The following ST6GALNAC5 variants were observed in gnomAD, a reference collection of about 807,000 sequenced individuals.
ST6GALNAC5 encodes the protein alpha-N-acetylgalactosaminide alpha-2,6-sialyltransferase 5.
ST6GALNAC5 carries 27 observed loss-of-function variants against 33.6 expected under a neutral mutation model. That is an observed-to-expected ratio of 0.80 (90% CI 0.59 to 1.11). The LOEUF is 1.11. Among genes scored for constraint, ST6GALNAC5 ranks in the 50% least tolerant of loss-of-function variants. ST6GALNAC5 has a pLI of 0.00. For synonymous variants in ST6GALNAC5, 194 were observed against 171.2 expected, an observed-to-expected ratio of 1.13 and a Z score of -1.04; for missense variants, 428 against 454.0, an observed-to-expected ratio of 0.94 and a Z score of 0.52.
intron 3 of ST6GALNAC5, among the ~76,000 whole-genome samples, chr1:77,049,543 GA>G (rs141287767): frequency 0.03 from 4,588 of 152,234 alleles, 98 homozygotes; most frequent in Middle Eastern, 0.048. Context: ...GTCTGAATGG[GA>G]AAATTAATGA....
At chr1:76,937,752 TC>T (rs1489128251) in intron 2 of ST6GALNAC5, among the ~76,000 whole-genome samples, 1 of 152,098 alleles carries the variant, frequency 6.6e-6, no homozygotes, top group African/African-American at 2.4e-5. Context: ...GAAACACTTT[TC>T]TTTTCCTCTG....
chr1:76,960,015 T>C (rs1161510748), intron 2 of ST6GALNAC5, among the ~76,000 whole-genome samples: 8 of 152,190 alleles, frequency 5.3e-5, no homozygotes, highest in African/African-American at 1.9e-4. Flanking sequence ...CTATGAGGCC[T>C]GACCCTTTGA....
chr1:76,950,444 A>G (rs1262169592), intron 2 of ST6GALNAC5, among the ~76,000 whole-genome samples: 1 of 152,146 alleles, frequency 6.6e-6, no homozygotes, highest in African/African-American at 2.4e-5. Flanking sequence ...TCATTTGGTG[A>G]CATACAGCTC....
intron 2 of ST6GALNAC5, among the ~76,000 whole-genome samples, chr1:76,894,721 A>T (rs566151599): frequency 6.6e-6 from 1 of 152,294 alleles, no homozygotes; most frequent in Admixed American, 6.5e-5. Flanking sequence ...GGTGGTGGGT[A>T]TGTAGTAAAA....
intron 2 of ST6GALNAC5, among the ~76,000 whole-genome samples, chr1:76,987,058 A>G (rs1570741031): frequency 6.6e-6 from 1 of 152,282 alleles, no homozygotes; most frequent in Non-Finnish European, 1.5e-5. Context: ...TAGGAGAAAT[A>G]TCTAATGTAA....
At chr1:76,893,650 T>C (rs1267247580) in intron 2 of ST6GALNAC5, among the ~76,000 whole-genome samples, 4 of 152,154 alleles carry the variant, frequency 2.6e-5, no homozygotes. Context: ...TTCATTTATT[T>C]ACTTTTATTT....
intron 2 of ST6GALNAC5, among the ~76,000 whole-genome samples, chr1:76,917,586 G>A (rs1043642803): frequency 1.3e-5 from 2 of 151,554 alleles, no homozygotes; most frequent in African/African-American, 2.4e-5. Context: ...TATTGCCTAG[G>A]TATAGTAGTG....
At chr1:76,980,190 G>A (rs1298313493) in intron 2 of ST6GALNAC5, among the ~76,000 whole-genome samples, 2 of 151,886 alleles carry the variant, frequency 1.3e-5, no homozygotes, top group African/African-American at 2.4e-5. Flanking sequence ...ATAGTATGTA[G>A]TAGGTTTTGA....
At chr1:76,922,637 T>C (rs1479254909) in intron 2 of ST6GALNAC5, among the ~76,000 whole-genome samples, 3 of 152,088 alleles carry the variant, frequency 2.0e-5, no homozygotes, top group Non-Finnish European at 4.4e-5. Context: ...TATAGACACA[T>C]TGATCAATAG....
At chr1:76,878,254 C>A (rs1363429479) in intron 2 of ST6GALNAC5, among the ~76,000 whole-genome samples, 2 of 152,192 alleles carry the variant, frequency 1.3e-5, no homozygotes, top group Non-Finnish European at 2.9e-5. Context: ...ATAGCCCTCA[C>A]CCTACCAGTC....
intron 2 of ST6GALNAC5, among the ~76,000 whole-genome samples, chr1:76,878,801 G>A (rs1246714421): frequency 6.6e-6 from 1 of 152,124 alleles, no homozygotes; most frequent in African/African-American, 2.4e-5. Flanking sequence ...TAGAAATGCA[G>A]TAGGCTTCTT....
At chr1:77,013,588 A>G (rs1650719564) in intron 2 of ST6GALNAC5, among the ~76,000 whole-genome samples, 1 of 152,202 alleles carries the variant, frequency 6.6e-6, no homozygotes, top group East Asian at 1.9e-4. Context: ...GATGCATTTC[A>G]TCCCCAGTGT....
Position 77,050,247 on chromosome 1 carries a change from G to C in ST6GALNAC5, c.672-11G>C. On this transcript the variant is annotated splice_polypyrimidine_tract_variant and intron_variant, in intron 3 of 4. Transcript: ENST00000477717. Reference sequence around the variant, plus strand: ...TTACCAGCTTGCAGACTTAATTATTGTTCCTTCCAGGAAGATATCCAACAC... The same window carrying C: ...TTACCAGCTTGCAGACTTAATTATTCTTCCTTCCAGGAAGATATCCAACAC... The C allele has an allele frequency of 6.2e-7, 1 of 1,612,160 alleles. No individual in the cohort carries two copies.
intron 2 of ST6GALNAC5, among the ~76,000 whole-genome samples, chr1:76,969,751 C>T (rs189664825): frequency 6.6e-6 from 1 of 152,126 alleles, no homozygotes; most frequent in South Asian, 2.1e-4. Flanking sequence ...CCCGTGTAGC[C>T]TAACTGGGAG....
chr1:77,031,216 C>T (rs1170977514), intron 2 of ST6GALNAC5, among the ~76,000 whole-genome samples: 1 of 152,098 alleles, frequency 6.6e-6, no homozygotes, highest in African/African-American at 2.4e-5. Flanking sequence ...CCTGTTTCTA[C>T]CCTCATGCTT....
chr1:76,967,855 G>A (rs1277459010), intron 2 of ST6GALNAC5, among the ~76,000 whole-genome samples: 1 of 152,170 alleles, frequency 6.6e-6, no homozygotes, highest in Non-Finnish European at 1.5e-5. Flanking sequence ...TAGTCATTCA[G>A]GAGCAGGTTG....
chr1:76,967,197 G>C (rs929785832), intron 2 of ST6GALNAC5, among the ~76,000 whole-genome samples: 6 of 152,064 alleles, frequency 3.9e-5, no homozygotes, highest in South Asian at 4.2e-4. Flanking sequence ...TGTATCTCTG[G>C]TACAATTCGG....
Position 77,066,143 on chromosome 1 carries a change from A to T in ST6GALNAC5, c.*2937A>T, listed in dbSNP as rs900054502. 6.6e-6 allele frequency among the ~76,000 whole-genome samples: 1 copy of T among 152,160 alleles called. No individual in the cohort carries two copies. The highest frequency in any genetic ancestry group is 1.5e-5 in the Non-Finnish European group (1 of 68,026). ...CCATTACCGTTAATGGGCATTTGGC[A>T]ACTAAGTCCCTGTGCTTTGCTAACC... On this transcript the variant is annotated 3_prime_UTR_variant, in exon 5 of 5. Coordinates refer to ENST00000477717, the MANE Select transcript of ST6GALNAC5 (RefSeq NM_030965.3).
chr1:77,036,017 G>A (rs1428445241), intron 2 of ST6GALNAC5, among the ~76,000 whole-genome samples: 2 of 152,004 alleles, frequency 1.3e-5, no homozygotes, highest in East Asian at 1.9e-4. Flanking sequence ...AATGTACATC[G>A]AATGATGACT....
Sources: gnomAD v4.1 joint callset for allele counts (sites outside exome capture counted in the v4.1 genomes callset) on GRCh38, gnomAD v4.1.1 for gene constraint, MANE v1.5 for transcripts, NCBI Gene and HGNC (gene_info 2026-07-23, HGNC 2026-07-21) for gene names.